The following NFKB2 variants were observed in gnomAD, a reference collection of about 807,000 sequenced individuals.
NFKB2 encodes nuclear factor kappa B subunit 2, also known as nuclear factor NF-kappa-B p100 subunit.
A neutral mutation model predicts 109.3 loss-of-function variants in NFKB2; 21 were observed. That is an observed-to-expected ratio of 0.19 (90% confidence interval 0.14 to 0.28). The LOEUF (loss-of-function observed/expected upper bound fraction) is 0.28, where lower values mean the gene tolerates loss of function less well. Ranked by LOEUF, NFKB2 falls within the 10% of genes least tolerant of loss-of-function variation. The probability of loss-of-function intolerance (pLI) is 1.00; values close to 1 mark genes in which losing one functional copy is unlikely to be tolerated. For synonymous variants in NFKB2, 478 were observed against 489.9 expected, an observed-to-expected ratio of 0.98 and a Z score of 0.32; for missense variants, 806 against 1,185.3, an observed-to-expected ratio of 0.68 and a Z score of 4.70.
chr10:102,398,370 C>T lies in NFKB2; in HGVS notation c.853-15C>T, dbSNP rs1298584675. 6.2e-7 allele frequency: 1 copy of T among 1,613,858 alleles called. No homozygotes were observed. Among genetic ancestry groups the T allele is most frequent in the African/African-American group, 1.3e-5 (1 of 74,892 alleles). ...AAGGACTCACTGACACCCTGTGTCT[C>T]CCTGCACCCCCCAGTATGCCATTGT... On this transcript the variant is annotated splice_polypyrimidine_tract_variant and intron_variant, in intron 10 of 22. Coordinates refer to ENST00000661543, the MANE Select transcript of NFKB2 (RefSeq NM_001322934.2). The surrounding 1 kb of genome is among the most constrained non-coding windows in gnomAD (Gnocchi z 6.6).
Position 102,398,923 on chromosome 10 carries a change from T to A in NFKB2, c.1117+59T>A, listed in dbSNP as rs781688193. 65 of 1,550,532 alleles carry A rather than the reference T, an allele frequency of 4.2e-5. No individual in the cohort carries two copies. The highest frequency in any genetic ancestry group is 2.2e-4 in the South Asian group (18 of 82,000). ...TAAGAGAAGCTGTGGAGGAAAAAAA[T>A]CTGGGGGAGGCCGGGCGTGGTGGCT... is the stretch of plus-strand genomic sequence containing the variant. On this transcript the variant is annotated intron_variant, in intron 12 of 22. Transcript: ENST00000661543. The surrounding 1 kb of genome is among the most constrained non-coding windows in gnomAD (Gnocchi z 6.6).
chr10:102,397,495 G>T lies in NFKB2; in HGVS notation c.503-32G>T, dbSNP rs762072593. ...TCATGGAAGGAGCAGGGAGGGAGAA[G>T]CCCAGGGGTCACACATGTACCTACT... On this transcript the variant is annotated intron_variant, in intron 7 of 22. Coordinates refer to ENST00000661543, the MANE Select transcript of NFKB2 (RefSeq NM_001322934.2). This position sits in a 1 kb window ranked among gnomAD's most constrained non-coding sequence, Gnocchi z 4.7. 1 of 1,609,254 alleles carries T rather than the reference G, an allele frequency of 6.2e-7. No homozygotes were observed. Among genetic ancestry groups the T allele is most frequent in the East Asian group, 2.2e-5 (1 of 44,790 alleles).
Position 102,401,763 on chromosome 10 carries a change from G to A in NFKB2, c.2312G>A (p.Gly771Asp). The A allele has an allele frequency of 1.9e-6, 3 of 1,606,316 alleles. No individual in the cohort carries two copies. The highest frequency in any genetic ancestry group is 1.9e-4 in the Middle Eastern group (1 of 5,342). Reference sequence around the variant, plus strand: ...CCCTAAGGGCCGGGACTGTCACTTGGTGATACAGCTCTGCAGAACCTGGAG... The same window carrying A: ...CCCTAAGGGCCGGGACTGTCACTTGATGATACAGCTCTGCAGAACCTGGAG... ...PSPAGPGLSLGDTALQNLEQL... is the reference protein window; with the variant it reads ...PSPAGPGLSLDDTALQNLEQL... Residue 771 changes from glycine to aspartate, a missense_variant, in exon 21 of 23, where the codon GGT (glycine) becomes GAT (aspartate). Around this residue, in one of 10 missense-constraint regions of NFKB2, gnomAD observed 211 missense variants for 268.7 expected, o/e 0.79. Coordinates refer to ENST00000661543, the MANE Select transcript of NFKB2 (RefSeq NM_001322934.2). The surrounding 1 kb of genome is among the most constrained non-coding windows in gnomAD (Gnocchi z 4.2).
rs371190206 is a variant in NFKB2 at position 102,402,252 on chromosome 10, C to G, written c.2579C>G (p.Ala860Gly). Residue 860 changes from alanine (A) to glycine (G), a missense_variant and splice_region_variant, in exon 23 of 23, where the codon GCA (alanine) becomes GGA (glycine). Physicochemically the swap from Ala to Gly is moderately conservative, Grantham distance 60 (BLOSUM62 0). Coordinates refer to ENST00000661543, the MANE Select transcript of NFKB2 (RefSeq NM_001322934.2). The stretch of plus-strand genomic sequence containing the variant: ...CATTCCTGTCCCCATTTACCCCCAG[C>G]AGAGGTGAAGGAAGACAGTGCGTAC... ...PETRDKLPST[A>G]EVKEDSAYGS... is the part of the protein sequence containing the mutation. 5.7e-5 allele frequency: 88 copies of G among 1,552,060 alleles called. No individual in the cohort carries two copies. Among genetic ancestry groups the G allele is most frequent in the Non-Finnish European group, 7.1e-5 (81 of 1,147,582 alleles).
chr10:102,397,511 T>G lies in NFKB2; in HGVS notation c.503-16T>G, dbSNP rs201456641. On this transcript the variant is annotated splice_polypyrimidine_tract_variant and intron_variant, in intron 7 of 22. Coordinates refer to ENST00000661543, the MANE Select transcript of NFKB2 (RefSeq NM_001322934.2). The surrounding 1 kb of genome is among the most constrained non-coding windows in gnomAD (Gnocchi z 4.7). ...GAGGGAGAAGCCCAGGGGTCACACA[T>G]GTACCTACTGCCCAGAGGCCGAGCA... The G allele has an allele frequency of 3.7e-6, 6 of 1,611,742 alleles. No homozygotes were observed. The highest frequency in any genetic ancestry group is 5.1e-6 in the Non-Finnish European group (6 of 1,178,714).
upstream of NFKB2, chr10:102,394,237 G>A (rs1029976500): frequency 3.3e-5 from 5 of 152,260 alleles, no homozygotes; most frequent in Admixed American, 2.0e-4. Flanking sequence ...AGCCAAAGCC[G>A]AGAGGCAGCG....
In NFKB2 at chr10:102,397,555, G is replaced by A. The variant is rs967799975; in HGVS notation, c.531G>A (p.Glu177=). The A allele has an allele frequency of 2.5e-6, 4 of 1,613,694 alleles. No individual in the cohort carries two copies. The highest frequency in any genetic ancestry group is 3.4e-6 in the Non-Finnish European group (4 of 1,179,634). ...TEAEQRELEQ[E]AKELKKVMDL... ...CCGAGCAGCGGGAGCTGGAGCAAGA[G>A]GCCAAAGAACTGAAGAAGGTGATGG... is the stretch of plus-strand genomic sequence containing the variant. Residue 177 remains glutamate, a synonymous_variant, in exon 8 of 23, where the codon GAG becomes GAA. Coordinates refer to ENST00000661543, the MANE Select transcript of NFKB2 (RefSeq NM_001322934.2). This position sits in a 1 kb window ranked among gnomAD's most constrained non-coding sequence, Gnocchi z 4.7.
At chr10:102,399,889 G>A (rs896987120) in intron 14 of NFKB2, 171 bp downstream of exon 14, 4 of 1,136,542 alleles carry the variant, frequency 3.5e-6, no homozygotes, top group Non-Finnish European at 4.9e-6. Context: ...GGTCGACCGT[G>A]CAAGGGGTAC....
At chr10:102,394,486 C>CG (rs1478950154), upstream of NFKB2, 5 of 152,600 alleles carry the variant, frequency 3.3e-5, no homozygotes, top group African/African-American at 4.8e-5. Flanking sequence ...TTCCCCCCTC[C>CG]GGGGGGCCGA....
chr10:102,400,394 G>T lies in NFKB2; in HGVS notation c.1701G>T (p.Ala567=). Residue 567 remains alanine, a synonymous_variant, in exon 16 of 23, where the codon GCG becomes GCT. Transcript: ENST00000661543. The surrounding 1 kb of genome is among the most constrained non-coding windows in gnomAD (Gnocchi z 6.3). ...ATGGAGACTCAGCCATGCATCTGGC[G>T]CTGCGGGCAGGCGCTGGTGCTCCTG... ...DRHGDSAMHL[A]LRAGAGAPEL... 6.2e-7 allele frequency: 1 copy of T among 1,613,378 alleles called. No homozygotes were observed. Among genetic ancestry groups the T allele is most frequent in the South Asian group, 1.1e-5 (1 of 91,086 alleles).
At position 102,399,458 on chromosome 10, in the gene NFKB2, C is replaced by T. The variant is rs202001697; in HGVS notation, c.1288C>T (p.Pro430Ser). The change falls in exon 13 of 23, where the codon CCC (proline) becomes TCC (serine). Residue 430 changes from proline (P) to serine (S), a missense_variant. Coordinates refer to ENST00000661543, the MANE Select transcript of NFKB2 (RefSeq NM_001322934.2). ...GGAGCCAAGCGCCCCCTCCAGGACCCCCCAGTGCGAGCCGCAGGCCCCGGA... is the reference window on the plus strand; with the variant it reads ...GGAGCCAAGCGCCCCCTCCAGGACCTCCCAGTGCGAGCCGCAGGCCCCGGA... The part of the protein sequence containing the change: ...AAEPSAPSRT[P>S]QCEPQAPEML... 3,300 of 1,508,150 alleles carry T rather than the reference C, an allele frequency of 2.2e-3. 9 individuals carry two copies. Among genetic ancestry groups the T allele is most frequent in the Non-Finnish European group, 2.7e-3 (3,048 of 1,125,854 alleles). The allele number at this position is 1,508,150 out of a possible 1,614,324, so 93.4% of individuals were successfully genotyped here. A position where few individuals can be genotyped will look rare whatever the true frequency, so the allele number is the denominator to read the frequency against.
In NFKB2 at chr10:102,397,398, G is replaced by C; in HGVS notation, c.492G>C (p.Gln164His). 1 of 1,613,586 alleles carries C rather than the reference G, an allele frequency of 6.2e-7. No individual in the cohort carries two copies. The highest frequency in any genetic ancestry group is 8.5e-7 in the Non-Finnish European group (1 of 1,179,822). Residue 164 changes from glutamine (Q) to histidine (H), a missense_variant, in exon 7 of 23, where the codon CAG becomes CAC. Coordinates refer to ENST00000661543, the MANE Select transcript of NFKB2 (RefSeq NM_001322934.2). This position sits in a 1 kb window ranked among gnomAD's most constrained non-coding sequence, Gnocchi z 4.7. ...GGCAGCGGCTCCGCTCTAGGCCCCA[G>C]GGCCTTACGGGTATGGGTGCAGGGG... ...LQRQRLRSRP[Q>H]GLTEAEQREL...
In NFKB2 at chr10:102,397,226, T is replaced by C. The variant is rs2061131340; in HGVS notation, c.396-76T>C. 4 of 1,559,428 alleles carry C rather than the reference T, an allele frequency of 2.6e-6. No homozygotes were observed. Among genetic ancestry groups the C allele is most frequent in the South Asian group, 1.1e-5 (1 of 88,380 alleles). ...CTTCCTTGAGGAAGTAAGGCTGAGC[T>C]GAGCCCTGGCAATGGGAAAGGTGCC... On this transcript the variant is annotated intron_variant, in intron 6 of 22. Coordinates refer to ENST00000661543, the MANE Select transcript of NFKB2 (RefSeq NM_001322934.2). The surrounding 1 kb of genome is among the most constrained non-coding windows in gnomAD (Gnocchi z 4.7).
rs754161972 is a variant in NFKB2 at position 102,399,409 on chromosome 10, C to A, written c.1239C>A (p.Ser413Arg). 1 of 1,536,754 alleles carries A rather than the reference C, an allele frequency of 6.5e-7. No individual in the cohort carries two copies. Among genetic ancestry groups the A allele is most frequent in the Admixed American group, 2.1e-5 (1 of 48,686 alleles). The change falls in exon 13 of 23, where the codon AGC becomes AGA. Residue 413 changes from serine (S) to arginine (R), a missense_variant. By Grantham distance (110) the Ser-to-Arg change is moderately radical. This residue lies in a region of NFKB2 where 209 missense variants were observed against 211.9 expected (regional missense o/e 0.99). Coordinates refer to ENST00000661543, the MANE Select transcript of NFKB2 (RefSeq NM_001322934.2). Reference sequence around the variant, plus strand: ...CGCAGATGGCCGCCACGGTGCCCAGCAGGGACTCCGGGGAGGAAGCCGCGG... The same window carrying A: ...CGCAGATGGCCGCCACGGTGCCCAGAAGGGACTCCGGGGAGGAAGCCGCGG... ...GGAQMAATVP[S>R]RDSGEEAAEP...
At position 102,396,056 on chromosome 10, in the gene NFKB2, G is replaced by T. The variant is rs1199201781; in HGVS notation, c.21+76G>T. On this transcript the variant is annotated intron_variant, in intron 2 of 22. Transcript: ENST00000661543. This position sits in a 1 kb window ranked among gnomAD's most constrained non-coding sequence, Gnocchi z 5.9. ...CCACCTGTCTGCCCGAGCCCCCTCT[G>T]CTGCCTTACACCTGTATGCTCGCAG... is the stretch of plus-strand genomic sequence containing the variant. 1.9e-6 allele frequency: 3 copies of T among 1,585,474 alleles called. No homozygotes were observed. The highest frequency in any genetic ancestry group is 1.7e-6 in the Non-Finnish European group (2 of 1,158,464).
At position 102,397,105 on chromosome 10, in the gene NFKB2, C is replaced by T. The variant is rs377068061; in HGVS notation, c.395+50C>T. The T allele has an allele frequency of 5.7e-6, 9 of 1,590,670 alleles. No individual in the cohort carries two copies. Among genetic ancestry groups the T allele is most frequent in the Non-Finnish European group, 7.7e-6 (9 of 1,163,868 alleles). On this transcript the variant is annotated intron_variant, in intron 6 of 22. Coordinates refer to ENST00000661543, the MANE Select transcript of NFKB2 (RefSeq NM_001322934.2). This position sits in a 1 kb window ranked among gnomAD's most constrained non-coding sequence, Gnocchi z 4.7. ...CCACTGGTATGCCCGTCTGCCAGTC[C>T]CAGGCCCCAGCCCACCTCCATGAGC...
chr10:102,399,311 T>A lies in NFKB2; in HGVS notation c.1141T>A (p.Ser381Thr). ...AGGTGGCAGCCTCGGTTTCTTCCCC[T>A]CCTCCCTGGCCTACAGCCCCTACCA... Reference protein sequence around the residue: ...GGGGSLGFFPSSLAYSPYQSG... With the variant: ...GGGGSLGFFPTSLAYSPYQSG... Residue 381 changes from serine (S) to threonine (T), a missense_variant, in exon 13 of 23, where the codon TCC (serine) becomes ACC (threonine). This residue lies in a region of NFKB2 where 209 missense variants were observed against 211.9 expected (regional missense o/e 0.99). Coordinates refer to ENST00000661543, the MANE Select transcript of NFKB2 (RefSeq NM_001322934.2). 6.3e-7 allele frequency: 1 copy of A among 1,596,704 alleles called. No individual in the cohort carries two copies. Among genetic ancestry groups the A allele is most frequent in the Non-Finnish European group, 8.5e-7 (1 of 1,172,878 alleles).
In NFKB2 at chr10:102,397,824, C is replaced by T; in HGVS notation, c.661+139C>T. 7.8e-7 allele frequency: 1 copy of T among 1,279,248 alleles called. No individual in the cohort carries two copies. The highest frequency in any genetic ancestry group is 1.1e-6 in the Non-Finnish European group (1 of 909,174). The allele number at this position is 1,279,248 out of a possible 1,614,324, so 79.2% of individuals were successfully genotyped here. ...ATGAGCTGAGTGATCCTGAGCAAGT[C>T]ATTTCCCCCCCGAAGCTTCTGTCTT... On this transcript the variant is annotated intron_variant, in intron 8 of 22. Transcript: ENST00000661543. This position sits in a 1 kb window ranked among gnomAD's most constrained non-coding sequence, Gnocchi z 4.7.
Position 102,397,264 on chromosome 10 carries a change from A to C in NFKB2, c.396-38A>C, listed in dbSNP as rs2061132072. 6.2e-7 allele frequency: 1 copy of C among 1,600,254 alleles called. No homozygotes were observed. ...TGGGAAAGGTGCCTCAGGAAGAAAG[A>C]ACTGCATGGCCAAAGGCCTCCGATT... On this transcript the variant is annotated intron_variant, in intron 6 of 22. Transcript: ENST00000661543. The surrounding 1 kb of genome is among the most constrained non-coding windows in gnomAD (Gnocchi z 4.7).
Sources: gnomAD v4.1 joint callset for allele counts on GRCh38, gnomAD v4.1.1 for gene constraint, gnomAD v4.1.1 regional missense constraint, Gnocchi (gnomAD v3.1) non-coding constraint, MANE v1.5 for transcripts, NCBI Gene and HGNC (gene_info 2026-07-23, HGNC 2026-07-21) for gene names.